The following IL1RAPL1 variants were observed in gnomAD, a reference collection of about 807,000 sequenced individuals.
IL1RAPL1 encodes the protein interleukin-1 receptor accessory protein-like 1.
Under a neutral mutation model 48.4 loss-of-function variants are expected in IL1RAPL1, and 3 were observed. The ratio of observed to expected loss-of-function variants is 0.06; its 90% CI spans 0.03 to 0.16. The LOEUF (loss-of-function observed/expected upper bound fraction) is 0.16. Among genes scored for constraint, IL1RAPL1 ranks in the 10% least tolerant of loss-of-function variants. The pLI is 1.00. For missense variants in IL1RAPL1, 349 were observed against 530.6 expected, an observed-to-expected ratio of 0.66 and a Z score of 3.36; for synonymous variants, 185 against 187.7, an observed-to-expected ratio of 0.99 and a Z score of 0.12.
chrX:29,738,010 A>G (rs1928093591), intron 6 of IL1RAPL1, among the ~76,000 whole-genome samples: 1 of 112,425 alleles, frequency 8.9e-6, no homozygotes, highest in Non-Finnish European at 1.9e-5. Flanking sequence ...CTTTAAGATC[A>G]CAGAAGTTAA....
chrX:29,304,540 G>A (rs1365024251), intron 3 of IL1RAPL1, among the ~76,000 whole-genome samples: 1 of 112,017 alleles, frequency 8.9e-6, no homozygotes, highest in African/African-American at 3.2e-5. Flanking sequence ...TTTGAAAAAA[G>A]AGATGTATGA....
chrX:29,082,818 A>G (rs750113405), intron 2 of IL1RAPL1, among the ~76,000 whole-genome samples: 7 of 112,111 alleles, frequency 6.2e-5, no homozygotes, highest in Non-Finnish European at 1.3e-4. Flanking sequence ...TGTTCTCACG[A>G]TGATGTTTCT....
At chrX:29,367,478 G>A (rs1249843075) in intron 3 of IL1RAPL1, among the ~76,000 whole-genome samples, 1 of 111,733 alleles carries the variant, frequency 8.9e-6, no homozygotes, top group African/African-American at 3.2e-5. Context: ...AGTGTCTAAT[G>A]CCTCTGGTTT....
intron 5 of IL1RAPL1, among the ~76,000 whole-genome samples, chrX:29,572,339 C>T (rs910283314): frequency 9.0e-5 from 10 of 111,525 alleles, no homozygotes; most frequent in Non-Finnish European, 1.5e-4. Flanking sequence ...CAGTGTTTGA[C>T]GTAGTTTGTA....
At chrX:28,661,076 A>C (rs866554830) in intron 1 of IL1RAPL1, among the ~76,000 whole-genome samples, 1 of 30,634 alleles carries the variant, frequency 3.3e-5, no homozygotes. Context: ...TTCTTTCTTA[A>C]CAAAAAAATC....
At chrX:29,742,766 A>G (rs775527224) in intron 6 of IL1RAPL1, among the ~76,000 whole-genome samples, 1 of 112,172 alleles carries the variant, frequency 8.9e-6, no homozygotes, top group South Asian at 3.7e-4. Context: ...GATTAATAAT[A>G]GTAAATACCA....
At chrX:29,385,235 A>G (rs760971061) in intron 3 of IL1RAPL1, among the ~76,000 whole-genome samples, 1 of 112,092 alleles carries the variant, frequency 8.9e-6, no homozygotes, top group Admixed American at 9.4e-5. Flanking sequence ...TGGGTGGATC[A>G]CCTGAGGTCG....
At chrX:28,761,608 C>T (rs957937) in intron 1 of IL1RAPL1, among the ~76,000 whole-genome samples, 24 of 109,275 alleles carry the variant, frequency 2.2e-4, no homozygotes, top group African/African-American at 7.7e-4. Context: ...AGGGAAAGAG[C>T]GGGGCAAGAG....
At chrX:29,229,466 T>C (rs1308861814) in intron 2 of IL1RAPL1, among the ~76,000 whole-genome samples, 1 of 112,226 alleles carries the variant, frequency 8.9e-6, no homozygotes, top group Non-Finnish European at 1.9e-5. Context: ...TCTAAGCTTT[T>C]GAATAATTCA....
At chrX:29,542,433 C>G (rs1921468987) in intron 5 of IL1RAPL1, among the ~76,000 whole-genome samples, 1 of 111,758 alleles carries the variant, frequency 8.9e-6, no homozygotes. Flanking sequence ...GCAAGTAGTT[C>G]TGAGATTATT....
At chrX:29,322,204 T>C (rs1276122099) in intron 3 of IL1RAPL1, among the ~76,000 whole-genome samples, 1 of 110,869 alleles carries the variant, frequency 9.0e-6, no homozygotes, top group Non-Finnish European at 1.9e-5. Flanking sequence ...TTTTTCTTTC[T>C]TTTTCTTTCT....
At chrX:28,661,498 ATATAT>A (rs1346559168) in intron 1 of IL1RAPL1, among the ~76,000 whole-genome samples, 1 of 111,432 alleles carries the variant, frequency 9.0e-6, no homozygotes, top group African/African-American at 3.3e-5. Flanking sequence ...GGGCTTAGTA[ATATAT>A]TTTATATTAA....
chrX:29,828,105 C>T (rs1930781631), intron 6 of IL1RAPL1, among the ~76,000 whole-genome samples: 1 of 111,313 alleles, frequency 9.0e-6, no homozygotes, highest in Admixed American at 9.6e-5. Flanking sequence ...GTGTAAAGGC[C>T]CAAAGGCTGG....
chrX:29,389,706 A>G (rs190846923), intron 3 of IL1RAPL1, among the ~76,000 whole-genome samples: 67 of 112,579 alleles, frequency 6.0e-4, no homozygotes, highest in Middle Eastern at 4.6e-3. Context: ...AGAGAAGACA[A>G]TTATCTTGAA....
At chrX:29,256,412 A>C (rs566992810) in intron 2 of IL1RAPL1, among the ~76,000 whole-genome samples, 2 of 111,634 alleles carry the variant, frequency 1.8e-5, no homozygotes, top group Non-Finnish European at 3.8e-5. Context: ...TGCTGTGACT[A>C]TTTTTCTTAC....
At chrX:28,946,579 A>G (rs1456847338) in intron 2 of IL1RAPL1, among the ~76,000 whole-genome samples, 2 of 111,308 alleles carry the variant, frequency 1.8e-5, no homozygotes, top group Non-Finnish European at 3.8e-5. Context: ...AAAAGAATAA[A>G]CTTATCCTCC....
intron 2 of IL1RAPL1, among the ~76,000 whole-genome samples, chrX:29,180,148 T>G (rs1387877343): frequency 9.1e-6 from 1 of 110,151 alleles, no homozygotes; most frequent in Non-Finnish European, 1.9e-5. Context: ...ATCATCTCAT[T>G]GAATAAGCCA....
intron 6 of IL1RAPL1, among the ~76,000 whole-genome samples, chrX:29,771,292 C>T (rs890828636): frequency 1.8e-5 from 2 of 111,974 alleles, no homozygotes; most frequent in African/African-American, 6.5e-5. Context: ...AAAATGTTGC[C>T]ATGTCACTTT....
intron 6 of IL1RAPL1, among the ~76,000 whole-genome samples, chrX:29,876,571 A>C (rs954290778): frequency 9.0e-6 from 1 of 111,492 alleles, no homozygotes; most frequent in African/African-American, 3.3e-5. Context: ...TTGACTCCTG[A>C]TTTGTGAACC....
Sources: allele counts gnomAD v4.1 joint callset (sites outside exome capture counted in the v4.1 genomes callset), GRCh38; gene constraint gnomAD v4.1.1; transcripts MANE v1.5; gene names NCBI Gene and HGNC (gene_info 2026-07-23, HGNC 2026-07-21).